Variants in RIMBP2 observed in about 807,000 individuals in gnomAD.
The protein encoded by RIMBP2 is RIMS-binding protein 2.
A neutral mutation model predicts 118.6 loss-of-function variants in RIMBP2; 48 were observed. The ratio of observed to expected loss-of-function variants is 0.40; its 90% CI spans 0.32 to 0.51. The LOEUF (loss-of-function observed/expected upper bound fraction) is 0.51, where lower values mean the gene tolerates loss of function less well. Among genes scored for constraint, RIMBP2 ranks in the 20% least tolerant of loss-of-function variants. The pLI, the probability that RIMBP2 is intolerant of heterozygous loss-of-function variation, is 0.41. For synonymous variants in RIMBP2, 762 were observed against 742.9 expected (o/e 1.03, Z -0.42); for missense variants, 1,551 against 1,768.3 (o/e 0.88, Z 2.20).
rs3047801 is a variant in RIMBP2, at chr12:130,566,175, G to GCACACA, written c.-216-48264_-216-48259dup. 8.2e-3 allele frequency among the ~76,000 whole-genome samples: 1,215 copies of GCACACA among 148,206 alleles called. 15 individuals carry two copies. Among genetic ancestry groups the GCACACA allele is most frequent in the African/African-American group, 0.028 (1,135 of 40,602 alleles). ...ATTTGTTGCCAATTTATACACACATGCACACACACACACACACACACACAC... is the reference window on the plus strand; with the variant it reads ...ATTTGTTGCCAATTTATACACACATGCACACACACACACACACACACACACACACAC... On this transcript the variant is annotated intron_variant, in intron 2 of 22. Transcript: ENST00000690449.
At chr12:130,602,032 C>T (rs1354516252) in intron 2 of RIMBP2, among the ~76,000 whole-genome samples, 1 of 152,152 alleles carries the variant, frequency 6.6e-6, no homozygotes, top group East Asian at 1.9e-4. Flanking sequence ...GGCACGGTGG[C>T]TCGTGCCTGT....
intron 1 of RIMBP2, among the ~76,000 whole-genome samples, chr12:130,666,906 G>A: frequency 7.5e-6 from 1 of 134,048 alleles, no homozygotes; most frequent in Non-Finnish European, 1.6e-5. Flanking sequence ...GAACGAAAGG[G>A]AGGGAGAAAG....
At chr12:130,438,336 C>CCCCA in intron 12 of RIMBP2, 29 bp downstream of exon 12, 5 of 844,134 alleles carry the variant, frequency 5.9e-6, no homozygotes, top group African/African-American at 1.9e-5. Context: ...GCCTAACAAA[C>CCCCA]CCTCCCCACC....
chr12:130,424,601 GC>G lies in RIMBP2; in HGVS notation c.2669del (p.Gly890AlafsTer75). On this transcript the variant is annotated frameshift_variant, in exon 16 of 23. Coordinates refer to ENST00000690449, the MANE Select transcript of RIMBP2 (RefSeq NM_001393629.1). LOFTEE classifies it high-confidence loss of function. This position sits in a 1 kb window ranked among gnomAD's most constrained non-coding sequence, Gnocchi z 9.8. ...RGSWFPVKHR[G>X]SGAVPHVEDF... ...CCTCCACGTGGGGGACGGCCCCCGAGCCCCTGTGCTTCACCGGGAACCAGGA... is the reference window on the plus strand; with the variant it reads ...CCTCCACGTGGGGGACGGCCCCCGAGCCCTGTGCTTCACCGGGAACCAGGA... 4.9e-6 allele frequency: 6 copies of G among 1,231,854 alleles called. No homozygotes were observed. The highest frequency in any genetic ancestry group is 5.1e-6 in the Non-Finnish European group (5 of 987,802). 76.3% of individuals were successfully genotyped at this position (1,231,854 alleles called of 1,614,324 possible).
At chr12:130,682,905 C>T (rs547149008) in intron 1 of RIMBP2, among the ~76,000 whole-genome samples, 15 of 152,300 alleles carry the variant, frequency 9.8e-5, no homozygotes, top group African/African-American at 3.4e-4. Context: ...ACGAGTACCC[C>T]GAGCTATGAG....
At chr12:130,648,387 C>T (rs372066508) in intron 1 of RIMBP2, among the ~76,000 whole-genome samples, 3 of 145,162 alleles carry the variant, frequency 2.1e-5, no homozygotes, top group Admixed American at 6.9e-5. Context: ...GAATTACACA[C>T]ATAAGGTATT....
intron 2 of RIMBP2, among the ~76,000 whole-genome samples, chr12:130,518,665 A>G (rs2051740719): frequency 6.6e-6 from 1 of 152,182 alleles, no homozygotes; most frequent in Admixed American, 6.5e-5. Flanking sequence ...TACTATCACC[A>G]TGGCACAGGA....
At chr12:130,604,607 A>T (rs1420357822) in intron 2 of RIMBP2, among the ~76,000 whole-genome samples, 1 of 19,298 alleles carries the variant, frequency 5.2e-5, no homozygotes, top group Non-Finnish European at 9.3e-5. Context: ...TTTTTGAGAC[A>T]GAGTCTCGCT....
At chr12:130,674,941 A>C (rs1056832763) in intron 1 of RIMBP2, among the ~76,000 whole-genome samples, 1 of 152,140 alleles carries the variant, frequency 6.6e-6, no homozygotes, top group East Asian at 1.9e-4. Flanking sequence ...GTCAGGCTTC[A>C]TTCCTTTTCG....
intron 2 of RIMBP2, among the ~76,000 whole-genome samples, chr12:130,600,424 C>T (rs990082267): frequency 6.6e-6 from 1 of 152,162 alleles, no homozygotes; most frequent in Non-Finnish European, 1.5e-5. Context: ...AGAACCTCCC[C>T]GCTGGCCAGA....
At chr12:130,423,255 G>A (rs890758036) in intron 16 of RIMBP2, among the ~76,000 whole-genome samples, 1 of 152,186 alleles carries the variant, frequency 6.6e-6, no homozygotes, top group African/African-American at 2.4e-5. Flanking sequence ...CATGAATGGT[G>A]GGAAGGGAGT....
chr12:130,406,141 A>G, intron 21 of RIMBP2, 31 bp downstream of exon 21: 1 of 1,290,100 alleles, frequency 7.8e-7, no homozygotes, highest in Non-Finnish European at 1.1e-6. Flanking sequence ...ACAAAAATCA[A>G]ATGGTACTTC....
Position 130,414,322 on chromosome 12 carries a change from G to A in RIMBP2, c.3239-16C>T, listed in dbSNP as rs1312355648. 2.6e-6 allele frequency: 4 copies of A among 1,566,108 alleles called. No homozygotes were observed. ...CCGTAATCGTCTGCGAGCAAGTGGG[G>A]GTGAAGAACAGAGCGGCAGTGAGCC... On this transcript the variant is annotated splice_polypyrimidine_tract_variant and intron_variant, in intron 17 of 22. Coordinates refer to ENST00000690449, the MANE Select transcript of RIMBP2 (RefSeq NM_001393629.1).
chr12:130,494,694 C>T (rs2048976978), intron 4 of RIMBP2, among the ~76,000 whole-genome samples: 1 of 151,808 alleles, frequency 6.6e-6, no homozygotes, highest in Non-Finnish European at 1.5e-5. Flanking sequence ...TCAGGTAACC[C>T]ACGGAGGCCT....
At chr12:130,553,581 C>T (rs951529036) in intron 2 of RIMBP2, among the ~76,000 whole-genome samples, 16 of 152,048 alleles carry the variant, frequency 1.1e-4, no homozygotes, top group South Asian at 6.2e-4. Context: ...CCGTCTCTAC[C>T]GAAAATACAA....
At chr12:130,562,372 G>A (rs2056884812) in intron 2 of RIMBP2, among the ~76,000 whole-genome samples, 1 of 152,180 alleles carries the variant, frequency 6.6e-6, no homozygotes. Flanking sequence ...GGAAGTCCTG[G>A]CATAGATCAG....
At chr12:130,435,476 T>G (rs1055259105) in intron 13 of RIMBP2, among the ~76,000 whole-genome samples, 2 of 152,186 alleles carry the variant, frequency 1.3e-5, no homozygotes, top group African/African-American at 4.8e-5. Flanking sequence ...TGGAAGTATT[T>G]GCTTTCTCTC....
At position 130,442,083 on chromosome 12, in the gene RIMBP2, G is replaced by A. The variant is rs780106900; in HGVS notation, c.1269C>T (p.Ser423=). Residue 423 remains serine (S), a synonymous_variant, in exon 11 of 23, where the codon TCC becomes TCT. Coordinates refer to ENST00000690449, the MANE Select transcript of RIMBP2 (RefSeq NM_001393629.1). The surrounding 1 kb of genome is among the most constrained non-coding windows in gnomAD (Gnocchi z 6.9). ...HLRVDNITQI[S]AQLSWLPTNS... ...TGGTGGGTAGCCAGGAGAGCTGGGC[G>A]GAGATCTGCGTGATGTTGTCCACCC... 2.9e-5 allele frequency: 47 copies of A among 1,614,060 alleles called. No individual in the cohort carries two copies. Among genetic ancestry groups the A allele is most frequent in the Middle Eastern group, 1.6e-4 (1 of 6,084 alleles).
intron 14 of RIMBP2, among the ~76,000 whole-genome samples, chr12:130,432,528 T>C (rs535575175): frequency 6.6e-6 from 1 of 152,282 alleles, no homozygotes; most frequent in South Asian, 2.1e-4. Flanking sequence ...TGTGACTTTA[T>C]TTGGAGATGA....
Sources: allele counts gnomAD v4.1 joint callset (sites outside exome capture counted in the v4.1 genomes callset), GRCh38; gene constraint gnomAD v4.1.1; non-coding constraint Gnocchi (gnomAD v3.1); transcripts MANE v1.5; gene names NCBI Gene and HGNC (gene_info 2026-07-23, HGNC 2026-07-21).